Variants in ASTN1 observed in about 807,000 individuals in gnomAD.
ASTN1 encodes the protein astrotactin 1.
ASTN1 carries 41 observed loss-of-function variants against 140.7 expected under a neutral mutation model. The observed-to-expected ratio is 0.29, with a 90% CI of 0.23 to 0.38. The LOEUF is 0.38. Ranked by LOEUF, ASTN1 falls within the 10% of genes least tolerant of loss-of-function variation. ASTN1 has a pLI of 1.00. For missense variants in ASTN1, 1,479 were observed against 1,678.8 expected, an observed-to-expected ratio of 0.88 and a Z score of 2.08; for synonymous variants, 640 against 652.2, an observed-to-expected ratio of 0.98 and a Z score of 0.29.
Position 177,061,265 on chromosome 1 carries a change from T to C in ASTN1, c.284A>G (p.Glu95Gly). 1 of 1,515,160 alleles carries C rather than the reference T, an allele frequency of 6.6e-7. No individual in the cohort carries two copies. Among genetic ancestry groups the C allele is most frequent in the East Asian group, 2.4e-5 (1 of 40,988 alleles). 93.9% of individuals were successfully genotyped at this position (1,515,160 alleles called of 1,614,324 possible). A position where few individuals can be genotyped will look rare whatever the true frequency, so the allele number is the denominator to read the frequency against. The stretch of plus-strand genomic sequence containing the variant: ...GATATCCTCTGTGTTCCCTGAGATC[T>C]CTAGAAGATGAACACCAAAGGCACA... ...ENTELPYFVL[E>G]ISGNTEDIPL... The change falls in exon 2 of 23, where the codon GAG becomes GGG. Residue 95 changes from glutamate (E) to glycine (G), a missense_variant and splice_region_variant. Glu to Gly is a moderately conservative substitution (Grantham distance 98). Transcript: ENST00000361833.
At chr1:177,068,121 T>C (rs1487963544) in intron 1 of ASTN1, among the ~76,000 whole-genome samples, 1 of 152,188 alleles carries the variant, frequency 6.6e-6, no homozygotes, top group East Asian at 1.9e-4. Flanking sequence ...GAAAACAGCA[T>C]AGCCAGGAAA....
intron 5 of ASTN1, among the ~76,000 whole-genome samples, chr1:177,029,204 A>G (rs1397935098): frequency 2.0e-5 from 3 of 152,196 alleles, no homozygotes; most frequent in Non-Finnish European, 4.4e-5. Context: ...TCATTCCTCA[A>G]CTACACTGCC....
intron 16 of ASTN1, among the ~76,000 whole-genome samples, chr1:176,917,709 G>A (rs1329216457): frequency 6.6e-6 from 1 of 152,144 alleles, no homozygotes; most frequent in Non-Finnish European, 1.5e-5. Context: ...CAGGGTCTGT[G>A]GACAGATGTC....
intron 5 of ASTN1, among the ~76,000 whole-genome samples, chr1:177,026,369 A>G (rs1312371956): frequency 6.6e-6 from 1 of 152,036 alleles, no homozygotes; most frequent in Non-Finnish European, 1.5e-5. Flanking sequence ...TGCTCCTCCA[A>G]CTACTTCCAT....
At chr1:177,079,475 C>T (rs1035715401) in intron 1 of ASTN1, among the ~76,000 whole-genome samples, 1 of 152,152 alleles carries the variant, frequency 6.6e-6, no homozygotes, top group Non-Finnish European at 1.5e-5. Flanking sequence ...ATTCTTCCTT[C>T]CAACTTAAAA....
chr1:176,898,711 CAGA>C (rs779013361), intron 16 of ASTN1, among the ~76,000 whole-genome samples: 1 of 152,136 alleles, frequency 6.6e-6, no homozygotes, highest in East Asian at 1.9e-4. Context: ...TGGAGTGTTG[CAGA>C]AGAAGACCCT....
At chr1:177,072,558 G>A (rs1338827228) in intron 1 of ASTN1, among the ~76,000 whole-genome samples, 1 of 152,152 alleles carries the variant, frequency 6.6e-6, no homozygotes, top group African/African-American at 2.4e-5. Flanking sequence ...GAAATACAAG[G>A]TCACTTGATT....
intron 20 of ASTN1, among the ~76,000 whole-genome samples, chr1:176,879,474 G>A (rs1161579051): frequency 6.6e-6 from 1 of 152,050 alleles, no homozygotes; most frequent in Non-Finnish European, 1.5e-5. Flanking sequence ...CCTTAACCCT[G>A]GACCCTTAAT....
At chr1:177,112,894 A>C (rs1381716777) in intron 1 of ASTN1, among the ~76,000 whole-genome samples, 1 of 152,148 alleles carries the variant, frequency 6.6e-6, no homozygotes, top group African/African-American at 2.4e-5. Flanking sequence ...CTCCCTCTGC[A>C]ATGACCTCTC....
chr1:176,959,463 T>C (rs1257712091), intron 9 of ASTN1, among the ~76,000 whole-genome samples: 1 of 151,826 alleles, frequency 6.6e-6, no homozygotes, highest in African/African-American at 2.4e-5. Context: ...CCCTCTCCCC[T>C]CCCCAGGTTG....
chr1:177,105,955 C>T (rs1025698375), intron 1 of ASTN1, among the ~76,000 whole-genome samples: 2 of 152,148 alleles, frequency 1.3e-5, no homozygotes, highest in African/African-American at 4.8e-5. Flanking sequence ...ATTACTGCAC[C>T]ACTGCATTTC....
chr1:177,011,562 TACAC>T (rs140111635), intron 8 of ASTN1, among the ~76,000 whole-genome samples: 7 of 148,010 alleles, frequency 4.7e-5, no homozygotes, highest in East Asian at 2.0e-4. Context: ...GTCATGCACA[TACAC>T]ACACACACAC....
At chr1:177,040,118 T>C (rs1676902955) in intron 2 of ASTN1, among the ~76,000 whole-genome samples, 2 of 152,258 alleles carry the variant, frequency 1.3e-5, no homozygotes, top group African/African-American at 4.8e-5. Context: ...AGTTGGTGAA[T>C]AGAAATCCAT....
Position 176,862,979 on chromosome 1 carries a change from C to A in ASTN1, c.*1305G>T. ...GTTCAGGCCACTGAGTTGTGTGGGACAGCTAAGGCCATTGCTAGTCAACAG... is the reference window on the plus strand; with the variant it reads ...GTTCAGGCCACTGAGTTGTGTGGGAAAGCTAAGGCCATTGCTAGTCAACAG... On this transcript the variant is annotated 3_prime_UTR_variant, in exon 23 of 23. Coordinates refer to ENST00000361833, the MANE Select transcript of ASTN1 (RefSeq NM_004319.3). The A allele has an allele frequency of 1.0e-6, 1 of 985,474 alleles. No homozygotes were observed. The highest frequency in any genetic ancestry group is 1.2e-6 in the Non-Finnish European group (1 of 829,948). 61.0% of individuals were successfully genotyped at this position (985,474 alleles called of 1,614,324 possible).
chr1:177,036,653 G>A (rs1026020512), intron 2 of ASTN1, among the ~76,000 whole-genome samples: 1 of 152,038 alleles, frequency 6.6e-6, no homozygotes, highest in Non-Finnish European at 1.5e-5. Context: ...CTACCTGCTT[G>A]AGCAGGTAGC....
chr1:176,904,031 G>A (rs565844935), intron 16 of ASTN1, among the ~76,000 whole-genome samples: 5 of 152,230 alleles, frequency 3.3e-5, no homozygotes, highest in African/African-American at 7.2e-5. Flanking sequence ...GACACTAGTC[G>A]TTGAAGGTAG....
chr1:177,039,420 A>G (rs538798394), intron 2 of ASTN1, among the ~76,000 whole-genome samples: 1 of 152,350 alleles, frequency 6.6e-6, no homozygotes, highest in South Asian at 2.1e-4. Context: ...GATATCACTC[A>G]TATCTTTTAT....
chr1:177,024,045 A>T (rs112959040), intron 6 of ASTN1, among the ~76,000 whole-genome samples: 6,442 of 152,292 alleles, frequency 0.042, 187 homozygotes, highest in Non-Finnish European at 0.059. Context: ...TAACAAGTCA[A>T]TTAGGTGCTC....
At chr1:176,950,515 CT>C (rs1234171923) in intron 11 of ASTN1, among the ~76,000 whole-genome samples, 1 of 152,114 alleles carries the variant, frequency 6.6e-6, no homozygotes. Context: ...TATATTATCC[CT>C]ATTTAGAGGT....
Sources: gnomAD v4.1 joint callset for allele counts (sites outside exome capture counted in the v4.1 genomes callset) on GRCh38, gnomAD v4.1.1 for gene constraint, MANE v1.5 for transcripts, NCBI Gene and HGNC (gene_info 2026-07-23, HGNC 2026-07-21) for gene names.